Variants in VDAC2 observed in about 807,000 individuals in gnomAD.
The protein encoded by VDAC2 is non-selective voltage-gated ion channel VDAC2.
In VDAC2, 6 loss-of-function variants were observed where a neutral mutation model predicts 36.6. The observed-to-expected ratio is 0.16, with a 90% CI of 0.09 to 0.32. The LOEUF (loss-of-function observed/expected upper bound fraction) is 0.32. Among genes scored for constraint, VDAC2 ranks in the 10% least tolerant of loss-of-function variants. The pLI is 1.00. For synonymous variants in VDAC2, 109 were observed against 123.8 expected (o/e 0.88, Z 0.79); for missense variants, 247 against 346.0 (o/e 0.71, Z 2.27).
chr10:75,220,673 T>A, intron 6 of VDAC2, 70 bp from the exon 7 acceptor site: 2 of 1,343,870 alleles, frequency 1.5e-6, no homozygotes, highest in Non-Finnish European at 2.1e-6. Flanking sequence ...TATTTAAGTC[T>A]GTTTTGTGCT....
chr10:75,221,719 C>A (rs1363281972), intron 7 of VDAC2, among the ~76,000 whole-genome samples: 4 of 152,248 alleles, frequency 2.6e-5, no homozygotes, highest in South Asian at 2.1e-4. Flanking sequence ...AGCGATCCTC[C>A]CGCCTCAGCC....
At chr10:75,219,467 T>A in intron 6 of VDAC2, 111 bp downstream of exon 6, 1 of 868,094 alleles carries the variant, frequency 1.2e-6, no homozygotes, top group Non-Finnish European at 1.8e-6. Context: ...CTTGTGGTGG[T>A]GAAATCTCTG....
intron 8 of VDAC2, 78 bp from the exon 9 acceptor site, chr10:75,229,566 T>G: frequency 8.6e-7 from 1 of 1,168,792 alleles, no homozygotes; most frequent in South Asian, 1.4e-5. Context: ...ACTTCATGAT[T>G]ACATGATGGG....
chr10:75,211,770 T>G, intron 2 of VDAC2: 1 of 1,338,490 alleles, frequency 7.5e-7, no homozygotes, highest in Non-Finnish European at 1.0e-6. Flanking sequence ...TTAAATTCTC[T>G]TCCCACTCCA....
At position 75,217,997 on chromosome 10, in the gene VDAC2, T is replaced by G. The variant is rs1382069481; in HGVS notation, c.151-1066T>G. On this transcript the variant is annotated intron_variant, in intron 4 of 9. Transcript: ENST00000332211. ...CAGCTACTCAGGAGGCTGAGGTACG[T>G]GGATCACTTGAGCCTGGGAGGTTGA... 65 of 1,217,290 alleles carry G rather than the reference T, an allele frequency of 5.3e-5. 1 individual carries two copies. Among genetic ancestry groups the G allele is most frequent in the Non-Finnish European group, 6.9e-5 (64 of 923,916 alleles). 75.4% of individuals were successfully genotyped at this position (1,217,290 alleles called of 1,614,324 possible).
intron 2 of VDAC2, chr10:75,211,539 T>C (rs1228685249): frequency 6.5e-7 from 1 of 1,550,062 alleles, no homozygotes; most frequent in African/African-American, 1.4e-5. Context: ...GAGCGCAAGG[T>C]CATTACTTGT....
At chr10:75,228,291 C>T (rs544389850) in intron 8 of VDAC2, among the ~76,000 whole-genome samples, 1,935 of 145,640 alleles carry the variant, frequency 0.013, 52 homozygotes, top group African/African-American at 0.046. Flanking sequence ...TTTTTTTGAG[C>T]TTTGTTGCCT....
At position 75,231,404 on chromosome 10, in the gene VDAC2, G is replaced by A. The variant is rs1487025051; in HGVS notation, c.*415G>A. On this transcript the variant is annotated 3_prime_UTR_variant, in exon 10 of 10. Transcript: ENST00000332211. ...TTAAGTTCAGCCATTATTACTTTTGGTATCCCAGAACATGACAAATTATGA... is the reference window on the plus strand; with the variant it reads ...TTAAGTTCAGCCATTATTACTTTTGATATCCCAGAACATGACAAATTATGA... The A allele has an allele frequency of 6.5e-6, 1 of 154,182 alleles. No homozygotes were observed. Among genetic ancestry groups the A allele is most frequent in the Non-Finnish European group, 1.4e-5 (1 of 69,008 alleles). The allele number at this position is 154,182 out of a possible 1,614,324, so 9.6% of individuals were successfully genotyped here.
intron 8 of VDAC2, 107 bp from the exon 9 acceptor site, chr10:75,229,537 C>T (rs11001334): frequency 0.098 from 79,427 of 806,782 alleles, 4,295 homozygotes; most frequent in Middle Eastern, 0.15. Context: ...TTTATTGTCT[C>T]ACGTGAATAA....
rs534742319 is a variant in VDAC2, at chr10:75,212,154, G to T, written c.32-76G>T. On this transcript the variant is annotated intron_variant, in intron 2 of 9. Transcript: ENST00000332211. ...GATTGCTTGAATTTTAATATCAGCA[G>T]TGGGTCATGCTCTTGTTCTTGGATA... 1.0e-5 allele frequency: 13 copies of T among 1,299,600 alleles called. No individual in the cohort carries two copies. The Admixed American group carries it at 1.7e-4, about 17-fold the overall frequency. 80.5% of individuals were successfully genotyped at this position (1,299,600 alleles called of 1,614,324 possible).
chr10:75,217,624 C>T (rs759469761), intron 4 of VDAC2, among the ~76,000 whole-genome samples: 1 of 152,246 alleles, frequency 6.6e-6, no homozygotes, highest in East Asian at 1.9e-4. Flanking sequence ...GTGATCGGCC[C>T]GCCTTGGCCT....
intron 7 of VDAC2, 128 bp downstream of exon 7, chr10:75,221,098 G>T: frequency 6.8e-6 from 7 of 1,022,870 alleles, no homozygotes; most frequent in Middle Eastern, 5.8e-4. Flanking sequence ...ATCATTCTTG[G>T]TCATTTCTAG....
intron 8 of VDAC2, among the ~76,000 whole-genome samples, chr10:75,226,665 G>A (rs1302100710): frequency 6.6e-6 from 1 of 152,028 alleles, no homozygotes; most frequent in African/African-American, 2.4e-5. Context: ...GTTTCACCGT[G>A]TTGGCCAGGT....
At chr10:75,225,176 A>G (rs935240364) in intron 8 of VDAC2, among the ~76,000 whole-genome samples, 1 of 152,200 alleles carries the variant, frequency 6.6e-6, no homozygotes, top group Non-Finnish European at 1.5e-5. Flanking sequence ...GGATCTCACT[A>G]TCAGCTGATT....
Position 75,211,580 on chromosome 10 carries a change from A to G in VDAC2, c.31+391A>G, listed in dbSNP as rs531725069. On this transcript the variant is annotated intron_variant, in intron 2 of 9. Coordinates refer to ENST00000332211, the MANE Select transcript of VDAC2 (RefSeq NM_001391963.1). ...TAAGGGCGTGGACGTGCTTTGTGGAATGAATGAGCTGGTGTAATGAGCTCA... is the reference window on the plus strand; with the variant it reads ...TAAGGGCGTGGACGTGCTTTGTGGAGTGAATGAGCTGGTGTAATGAGCTCA... 78 of 1,550,608 alleles carry G rather than the reference A, an allele frequency of 5.0e-5. No homozygotes were observed. In the South Asian group the frequency reaches 6.9e-4, roughly 14 times the overall value.
intron 2 of VDAC2, 22 bp from the exon 3 acceptor site, chr10:75,212,208 T>A (rs1365252408): frequency 6.2e-7 from 1 of 1,609,592 alleles, no homozygotes; most frequent in Non-Finnish European, 8.5e-7. Flanking sequence ...ACATTAACAC[T>A]GGAATGTTTT....
chr10:75,221,252 C>G (rs974842774), intron 7 of VDAC2, among the ~76,000 whole-genome samples: 1 of 152,156 alleles, frequency 6.6e-6, no homozygotes, highest in Non-Finnish European at 1.5e-5. Context: ...CCAGTACATT[C>G]ATTTTACTTA....
chr10:75,210,489 C>T (rs918355777), upstream of VDAC2, among the ~76,000 whole-genome samples: 1 of 152,212 alleles, frequency 6.6e-6, no homozygotes, highest in African/African-American at 2.4e-5. Flanking sequence ...CGCCGACGCC[C>T]CGCCCCGTCC....
At chr10:75,224,635 C>T (rs1242453137) in intron 8 of VDAC2, among the ~76,000 whole-genome samples, 1 of 152,130 alleles carries the variant, frequency 6.6e-6, no homozygotes, top group Non-Finnish European at 1.5e-5. Context: ...ACAAAATATA[C>T]AATCCCTTGA....
Sources: allele counts gnomAD v4.1 joint callset (sites outside exome capture counted in the v4.1 genomes callset), GRCh38; gene constraint gnomAD v4.1.1; transcripts MANE v1.5; gene names NCBI Gene and HGNC (gene_info 2026-07-23, HGNC 2026-07-21).